Variants in DEPDC5 observed in about 807,000 individuals in gnomAD.
DEPDC5 encodes GATOR1 complex protein DEPDC5.
A neutral mutation model predicts 217.3 loss-of-function variants in DEPDC5; 73 were observed. The ratio of observed to expected loss-of-function variants is 0.34; its 90% CI spans 0.28 to 0.41. The LOEUF (loss-of-function observed/expected upper bound fraction) is 0.41, where lower values mean the gene tolerates loss of function less well. Ranked by LOEUF, DEPDC5 falls within the 10% of genes least tolerant of loss-of-function variation. The probability of loss-of-function intolerance (pLI) is 1.00; values close to 1 mark genes in which losing one functional copy is unlikely to be tolerated. For synonymous variants in DEPDC5, 733 were observed against 756.7 expected, an observed-to-expected ratio of 0.97 and a Z score of 0.51; for missense variants, 1,675 against 2,070.1, an observed-to-expected ratio of 0.81 and a Z score of 3.70.
At chr22:31,793,387 T>C (rs546307312) in intron 12 of DEPDC5, among the ~76,000 whole-genome samples, 3 of 152,256 alleles carry the variant, frequency 2.0e-5, no homozygotes, top group Admixed American at 6.5e-5. Flanking sequence ...GCAAATAATA[T>C]AATGAGCCCG....
Position 31,777,405 on chromosome 22 carries a change from C to T in DEPDC5, c.414-694C>T, listed in dbSNP as rs374081813. Among the ~76,000 whole-genome samples, 451 of 150,772 alleles carry T rather than the reference C, an allele frequency of 3.0e-3. 2 individuals are homozygous for T. The highest frequency in any genetic ancestry group is 9.4e-3 in the African/African-American group (385 of 40,788). On this transcript the variant is annotated intron_variant, in intron 7 of 42. Coordinates refer to ENST00000651528, the MANE Select transcript of DEPDC5 (RefSeq NM_001242896.3). ...CGTCCTGAGTAGCTGAGATTACAGG[C>T]GCATGCCACCACGCCCAGCTAATTT...
chr22:31,784,133 G>C, intron 9 of DEPDC5, 148 bp downstream of exon 9: 1 of 637,522 alleles, frequency 1.6e-6, no homozygotes, highest in Non-Finnish European at 2.6e-6. Flanking sequence ...GGAGGTTAGA[G>C]TGTTTTCTCG....
At chr22:31,772,044 GT>G (rs2083411965) in intron 7 of DEPDC5, among the ~76,000 whole-genome samples, 1 of 152,014 alleles carries the variant, frequency 6.6e-6, no homozygotes, top group African/African-American at 2.4e-5. Context: ...TCTAGCCTGG[GT>G]GACAGAGTCA....
chr22:31,815,142 C>T lies in DEPDC5; in HGVS notation c.1596C>T (p.Ile532=), dbSNP rs1693912161. 3 of 1,614,086 alleles carry T rather than the reference C, an allele frequency of 1.9e-6. No homozygotes were observed. The highest frequency in any genetic ancestry group is 2.2e-5 in the South Asian group (2 of 91,086). Residue 532 remains isoleucine (I), a synonymous_variant, in exon 21 of 43, where the codon ATC becomes ATT. Coordinates refer to ENST00000651528, the MANE Select transcript of DEPDC5 (RefSeq NM_001242896.3). The part of the protein sequence containing the change: ...DDSSLGKSAN[I]LMIPHPHLHQ... ...GCTCCCTAGGCAAGAGTGCCAACAT[C>T]CTGATGATCCCACACCCCCACCTGC...
In DEPDC5 at chr22:31,901,776, C is replaced by T. The variant is rs372176746; in HGVS notation, c.4410C>T (p.His1470=). 3.1e-5 allele frequency: 50 copies of T among 1,613,502 alleles called. No individual in the cohort carries two copies. Among genetic ancestry groups the T allele is most frequent in the Non-Finnish European group, 4.1e-5 (48 of 1,179,768 alleles). The change falls in exon 41 of 43, where the codon CAC becomes CAT. Residue 1470 remains histidine, a synonymous_variant. Transcript: ENST00000651528. ...FEPETYWDRM[H]LFQEAIAHRF... Reference sequence around the variant, plus strand: ...CCGAAACGTACTGGGATCGAATGCACCTCTTCCAGGAAGCCATTGCACACA... The same window carrying T: ...CCGAAACGTACTGGGATCGAATGCATCTCTTCCAGGAAGCCATTGCACACA...
intron 38 of DEPDC5, among the ~76,000 whole-genome samples, chr22:31,883,606 A>G (rs1490864173): frequency 6.6e-6 from 1 of 152,218 alleles, no homozygotes; most frequent in Non-Finnish European, 1.5e-5. Context: ...GATGGGTACT[A>G]CAATTTATGC....
chr22:31,815,772 C>G (rs1380851827), intron 21 of DEPDC5: 1 of 1,214,700 alleles, frequency 8.2e-7, no homozygotes. Flanking sequence ...CTCGAGGGAT[C>G]CACCCATTGG....
chr22:31,785,072 AAAGACTG>A (rs2084843390), intron 10 of DEPDC5, 197 bp downstream of exon 10: 1 of 505,960 alleles, frequency 2.0e-6, no homozygotes, highest in Non-Finnish European at 3.5e-6. Flanking sequence ...CTCAATGGTA[AAAGACTG>A]AAAACTTTCC....
At chr22:31,784,974 T>C in intron 10 of DEPDC5, 99 bp downstream of exon 10, 1 of 1,103,788 alleles carries the variant, frequency 9.1e-7, no homozygotes, top group Non-Finnish European at 1.3e-6. Context: ...AATTGAGCTA[T>C]TTTAGGTAAA....
intron 38 of DEPDC5, among the ~76,000 whole-genome samples, chr22:31,882,478 A>G (rs1233377342): frequency 6.6e-6 from 1 of 152,220 alleles, no homozygotes; most frequent in African/African-American, 2.4e-5. Flanking sequence ...TAAATTTCAA[A>G]TATTCAAATA....
Position 31,819,095 on chromosome 22 carries a change from A to G in DEPDC5, c.1740A>G (p.Ala580=). Residue 580 remains alanine, a synonymous_variant, in exon 22 of 43, where the codon GCA becomes GCG. Transcript: ENST00000651528. Reference sequence around the variant, plus strand: ...CAGGGAGGTTTCACGTTGGCAGTGCAGAATCCATGCTGCATGTTCGACCTG... The same window carrying G: ...CAGGGAGGTTTCACGTTGGCAGTGCGGAATCCATGCTGCATGTTCGACCTG... The part of the protein sequence containing the change: ...SAPGRFHVGS[A]ESMLHVRPGG... 6.2e-6 allele frequency: 10 copies of G among 1,614,204 alleles called. No individual in the cohort carries two copies. The highest frequency in any genetic ancestry group is 1.1e-5 in the South Asian group (1 of 91,090).
At chr22:31,898,652 G>A (rs1409085739) in intron 40 of DEPDC5, among the ~76,000 whole-genome samples, 1 of 152,240 alleles carries the variant, frequency 6.6e-6, no homozygotes, top group Admixed American at 6.5e-5. Context: ...GCCAAGCAAA[G>A]TATTCCTGCA....
Position 31,792,800 on chromosome 22 carries a change from C to G in DEPDC5, c.750C>G (p.Phe250Leu). 6.5e-7 allele frequency: 1 copy of G among 1,538,774 alleles called. No individual in the cohort carries two copies. The highest frequency in any genetic ancestry group is 8.7e-7 in the Non-Finnish European group (1 of 1,154,314). ...ASIRQDHKGR[F>L]YEDFYKVVVQ... is the part of the protein sequence containing the mutation. ...TTCGACAGGATCACAAGGGGAGATT[C>G]TATGAAGACTTTTACAAGTATGTTT... Residue 250 changes from phenylalanine to leucine, a missense_variant, in exon 12 of 43, where the codon TTC becomes TTG. By Grantham distance (22) the Phe-to-Leu change is conservative. Around this residue, in one of 11 missense-constraint regions of DEPDC5, gnomAD observed 628 missense variants for 762.1 expected, o/e 0.82. Transcript: ENST00000651528.
At chr22:31,793,637 T>C (rs1332151054) in intron 12 of DEPDC5, among the ~76,000 whole-genome samples, 3 of 152,168 alleles carry the variant, frequency 2.0e-5, no homozygotes, top group African/African-American at 7.2e-5. Context: ...AGTGGTCATG[T>C]AAGCTGACTG....
intron 31 of DEPDC5, among the ~76,000 whole-genome samples, chr22:31,849,145 C>T (rs1471409503): frequency 6.6e-6 from 1 of 152,148 alleles, no homozygotes; most frequent in African/African-American, 2.4e-5. Context: ...TCCAAACTTT[C>T]CCACATTTTC....
At chr22:31,815,565 T>G (rs1451456636) in intron 21 of DEPDC5, 6 of 613,504 alleles carry the variant, frequency 9.8e-6, no homozygotes, top group Admixed American at 9.0e-5. Context: ...TATTTTTTTT[T>G]GTAGAGGTGG....
intron 9 of DEPDC5, chr22:31,784,419 A>G (rs898715280): frequency 2.0e-5 from 4 of 196,576 alleles, no homozygotes; most frequent in Admixed American, 5.7e-5. Flanking sequence ...ACCTGAGGTC[A>G]GGAGTTGGAG....
At position 31,837,055 on chromosome 22, in the gene DEPDC5, T is replaced by C; in HGVS notation, c.2254T>C (p.Cys752Arg). The change falls in exon 26 of 43, where the codon TGC becomes CGC. Residue 752 changes from cysteine to arginine, a missense_variant. By Grantham distance (180) the Cys-to-Arg change is radical (BLOSUM62 -3). This residue lies in a region of DEPDC5 where 8 missense variants were observed against 30.3 expected (regional missense o/e 0.26). Transcript: ENST00000651528. ...CTGGAAGTCTCTCACTACTCCGGCG[T>C]GCCTCCCCCTTACCACCGACTACTT... ...VDWKSLTTPACLPLTTDYFPD... is the reference protein window; with the variant it reads ...VDWKSLTTPARLPLTTDYFPD... 1 of 1,614,150 alleles carries C rather than the reference T, an allele frequency of 6.2e-7. No individual in the cohort carries two copies. The highest frequency in any genetic ancestry group is 8.5e-7 in the Non-Finnish European group (1 of 1,180,024).
intron 31 of DEPDC5, among the ~76,000 whole-genome samples, chr22:31,851,286 C>T (rs1033615131): frequency 6.6e-6 from 1 of 152,128 alleles, no homozygotes; most frequent in Non-Finnish European, 1.5e-5. Context: ...GTTGATAAGA[C>T]ACTGTTGGGA....
Sources: allele counts gnomAD v4.1 joint callset (sites outside exome capture counted in the v4.1 genomes callset), GRCh38; gene constraint gnomAD v4.1.1; regional missense constraint gnomAD v4.1.1; transcripts MANE v1.5; gene names NCBI Gene and HGNC (gene_info 2026-07-23, HGNC 2026-07-21).